Variants in DLC1 observed in about 807,000 individuals in gnomAD.
DLC1 encodes rho GTPase-activating protein 7.
Under a neutral mutation model 140.3 loss-of-function variants are expected in DLC1, and 54 were observed. The ratio of observed to expected loss-of-function variants is 0.38; its 90% CI spans 0.31 to 0.48. The LOEUF is 0.48. Among genes scored for constraint, DLC1 ranks in the 20% least tolerant of loss-of-function variants. The pLI, the probability that DLC1 is intolerant of heterozygous loss-of-function variation, is 0.96. For missense variants in DLC1, 2,536 were observed against 1,907.0 expected (o/e 1.33, Z -6.14); for synonymous variants, 986 against 728.1 (o/e 1.35, Z -5.70).
intron 1 of DLC1, among the ~76,000 whole-genome samples, chr8:13,548,238 C>T (rs543154688): frequency 2.6e-5 from 4 of 152,002 alleles, no homozygotes; most frequent in Admixed American, 2.6e-4. Context: ...CTACCCGACC[C>T]TACACCTCAC....
At chr8:13,320,940 A>G (rs1833077755) in intron 4 of DLC1, among the ~76,000 whole-genome samples, 1 of 152,118 alleles carries the variant, frequency 6.6e-6, no homozygotes, top group South Asian at 2.1e-4. Context: ...ATTGCTGCAC[A>G]CACCAGCTCC....
intron 1 of DLC1, among the ~76,000 whole-genome samples, chr8:13,520,287 G>A (rs1585237693): frequency 6.6e-6 from 1 of 152,230 alleles, no homozygotes; most frequent in Non-Finnish European, 1.5e-5. Context: ...GGAATACTAT[G>A]CAGCCATAAA....
chr8:13,116,742 T>C (rs1259172607), intron 5 of DLC1, among the ~76,000 whole-genome samples: 2 of 152,070 alleles, frequency 1.3e-5, no homozygotes, highest in African/African-American at 4.8e-5. Context: ...TCCAAATTCA[T>C]TAAAGCAAGT....
At chr8:13,248,797 C>G (rs1829874357) in intron 5 of DLC1, among the ~76,000 whole-genome samples, 1 of 152,170 alleles carries the variant, frequency 6.6e-6, no homozygotes, top group South Asian at 2.1e-4. Flanking sequence ...TCCCTGGTAT[C>G]CTGGCTTCTC....
intron 5 of DLC1, among the ~76,000 whole-genome samples, chr8:13,224,247 G>A (rs1828685709): frequency 6.6e-6 from 1 of 152,160 alleles, no homozygotes; most frequent in Non-Finnish European, 1.5e-5. Flanking sequence ...CAACCACAAA[G>A]CTTTTATAAA....
chr8:13,500,538 G>A (rs1462014730), intron 1 of DLC1, among the ~76,000 whole-genome samples: 1 of 152,184 alleles, frequency 6.6e-6, no homozygotes, highest in South Asian at 2.1e-4. Flanking sequence ...AAGAAACATT[G>A]TTCTGGCTTG....
intron 5 of DLC1, among the ~76,000 whole-genome samples, chr8:13,292,193 G>A (rs1207194208): frequency 2.0e-5 from 3 of 152,090 alleles, no homozygotes; most frequent in African/African-American, 7.2e-5. Context: ...ATGAGTGTTG[G>A]AGTATCTCCT....
intron 2 of DLC1, among the ~76,000 whole-genome samples, chr8:13,417,295 G>C (rs547812269): frequency 6.6e-6 from 1 of 151,696 alleles, no homozygotes; most frequent in Non-Finnish European, 1.5e-5. Flanking sequence ...TGCCATGCTG[G>C]TGTGCTGCAC....
intron 5 of DLC1, among the ~76,000 whole-genome samples, chr8:13,233,868 G>C (rs145300807): frequency 6.6e-6 from 1 of 152,262 alleles, no homozygotes; most frequent in Non-Finnish European, 1.5e-5. Context: ...CTGGGGATCT[G>C]GTTGCAGGGA....
At chr8:13,233,128 C>T (rs1352710186) in intron 5 of DLC1, among the ~76,000 whole-genome samples, 1 of 151,786 alleles carries the variant, frequency 6.6e-6, no homozygotes, top group Non-Finnish European at 1.5e-5. Flanking sequence ...AATCCCATCT[C>T]TACTAAAAAT....
chr8:13,510,605 C>T (rs1001434654), intron 1 of DLC1, among the ~76,000 whole-genome samples: 2 of 152,144 alleles, frequency 1.3e-5, no homozygotes, highest in African/African-American at 4.8e-5. Flanking sequence ...ACGGGGCAAA[C>T]ATCAAATCAC....
Position 13,514,679 on chromosome 8 carries a change from G to C in DLC1, c.-203C>G. 2 of 398,600 alleles carry C rather than the reference G, an allele frequency of 5.0e-6. No homozygotes were observed. The highest frequency in any genetic ancestry group is 8.8e-6 in the Non-Finnish European group (2 of 226,072). 24.7% of individuals were successfully genotyped at this position (398,600 alleles called of 1,614,324 possible). ...CTAGGAAAGAAGTCCGTCCCCGTTA[G>C]TTTCTCCAAAATCTAAGTTCCCATT... is the stretch of plus-strand genomic sequence containing the variant. On this transcript the variant is annotated 5_prime_UTR_variant, in exon 1 of 18. Transcript: ENST00000276297.
chr8:13,307,340 A>T (rs932880131), intron 4 of DLC1, among the ~76,000 whole-genome samples: 11 of 152,144 alleles, frequency 7.2e-5, no homozygotes, highest in African/African-American at 1.4e-4. Context: ...GCATTCTTTC[A>T]TTTGTTAAGA....
At chr8:13,164,735 T>C (rs894885730) in intron 5 of DLC1, among the ~76,000 whole-genome samples, 1 of 152,222 alleles carries the variant, frequency 6.6e-6, no homozygotes, top group African/African-American at 2.4e-5. Flanking sequence ...ATTTTACTTC[T>C]GAGACTTCTC....
intron 5 of DLC1, among the ~76,000 whole-genome samples, chr8:13,272,756 C>T (rs538549089): frequency 3.9e-5 from 6 of 152,032 alleles, no homozygotes; most frequent in African/African-American, 1.2e-4. Context: ...CGCCTGTAGT[C>T]CCAGCTGCTC....
At chr8:13,404,013 A>T (rs1837417471) in intron 2 of DLC1, among the ~76,000 whole-genome samples, 1 of 152,036 alleles carries the variant, frequency 6.6e-6, no homozygotes, top group Non-Finnish European at 1.5e-5. Context: ...CCCATGACTA[A>T]TGCATGCTCT....
In DLC1 at chr8:13,500,115, AG is replaced by A. The variant is rs751599526; in HGVS notation, c.-45del. 5 of 1,478,822 alleles carry A rather than the reference AG, an allele frequency of 3.4e-6. No individual in the cohort carries two copies. In the East Asian group the frequency reaches 1.1e-4, roughly 34 times the overall value. 91.6% of individuals were successfully genotyped at this position (1,478,822 alleles called of 1,614,324 possible). Reference sequence around the variant, plus strand: ...CAGACAGAGAGATATATTCCATATGAGGGTAAAGGAGATGGAACTTGATGAA... The same window carrying A: ...CAGACAGAGAGATATATTCCATATGAGGTAAAGGAGATGGAACTTGATGAA... On this transcript the variant is annotated 5_prime_UTR_variant, in exon 2 of 18. Coordinates refer to ENST00000276297, the MANE Select transcript of DLC1 (RefSeq NM_182643.3).
intron 4 of DLC1, among the ~76,000 whole-genome samples, chr8:13,351,795 A>C (rs1475535123): frequency 3.9e-5 from 6 of 152,266 alleles, no homozygotes; most frequent in African/African-American, 1.4e-4. Context: ...ATGTTCTGAC[A>C]CACTTCTCAA....
intron 5 of DLC1, among the ~76,000 whole-genome samples, chr8:13,199,272 A>G (rs941530369): frequency 1.4e-5 from 2 of 144,302 alleles, no homozygotes; most frequent in Non-Finnish European, 3.0e-5. Context: ...GTAACCTTGA[A>G]CTCCTAGGCT....
Sources: allele counts gnomAD v4.1 joint callset (sites outside exome capture counted in the v4.1 genomes callset), GRCh38; gene constraint gnomAD v4.1.1; transcripts MANE v1.5; gene names NCBI Gene and HGNC (gene_info 2026-07-23, HGNC 2026-07-21).